SDK1: variants seen among roughly 807,000 people sequenced by gnomAD.
SDK1 encodes the protein protein sidekick-1.
SDK1 carries 157 observed loss-of-function variants against 245.5 expected under a neutral mutation model. The ratio of observed to expected loss-of-function variants is 0.64; its 90% CI spans 0.56 to 0.73. SDK1 has a LOEUF of 0.73. Among genes scored for constraint, SDK1 ranks in the 30% least tolerant of loss-of-function variants. The pLI is 0.00. For synonymous variants in SDK1, 1,647 were observed against 1,278.5 expected (o/e 1.29, Z -6.15); for missense variants, 3,583 against 3,002.3 (o/e 1.19, Z -4.52).
At chr7:3,546,617 T>A (rs1283338571) in intron 1 of SDK1, among the ~76,000 whole-genome samples, 1 of 151,900 alleles carries the variant, frequency 6.6e-6, no homozygotes, top group African/African-American at 2.4e-5. Context: ...TGTGACTGTT[T>A]AAAATTAAGA....
At chr7:4,116,239 A>AC (rs992879864) in intron 25 of SDK1, among the ~76,000 whole-genome samples, 3 of 152,082 alleles carry the variant, frequency 2.0e-5, no homozygotes, top group African/African-American at 7.2e-5. Context: ...GGGCGGTGCC[A>AC]CCCCCTCACC....
intron 5 of SDK1, among the ~76,000 whole-genome samples, chr7:3,883,867 C>T (rs1051532719): frequency 3.3e-5 from 5 of 152,162 alleles, no homozygotes; most frequent in Non-Finnish European, 5.9e-5. Flanking sequence ...TTTTCTCCTT[C>T]ACTCAAACGT....
intron 21 of SDK1, 44 bp downstream of exon 21, chr7:4,077,233 T>C: frequency 1.9e-6 from 3 of 1,576,486 alleles, no homozygotes; most frequent in Non-Finnish European, 1.7e-6. Context: ...ACCTTTCTCT[T>C]GGAGATTCCC....
intron 28 of SDK1, among the ~76,000 whole-genome samples, chr7:4,145,012 G>C (rs56928328): frequency 6.6e-6 from 1 of 152,168 alleles, no homozygotes; most frequent in Non-Finnish European, 1.5e-5. Context: ...GGCCTGGGGC[G>C]GCCAGTGGAG....
At chr7:3,621,851 G>A (rs1781952329) in intron 2 of SDK1, among the ~76,000 whole-genome samples, 1 of 152,168 alleles carries the variant, frequency 6.6e-6, no homozygotes, top group South Asian at 2.1e-4. Flanking sequence ...GCAAATCGTT[G>A]AATATACAGA....
intron 5 of SDK1, among the ~76,000 whole-genome samples, chr7:3,910,855 G>A (rs1021198588): frequency 2.6e-5 from 4 of 152,178 alleles, no homozygotes; most frequent in Admixed American, 1.3e-4. Context: ...CAGTTAGTCC[G>A]GATAATCGGC....
rs1277144456 is a variant in SDK1, at chr7:4,237,681, G to T, written c.6027G>T (p.Trp2009Cys). 1 of 1,614,134 alleles carries T rather than the reference G, an allele frequency of 6.2e-7. No individual in the cohort carries two copies. The highest frequency in any genetic ancestry group is 8.5e-7 in the Non-Finnish European group (1 of 1,180,012). ...AAGCCCCATTCTACGAGGAGTGGTGGTTCCTCCTGGTGATGGCTCTGTCCA... is the reference window on the plus strand; with the variant it reads ...AAGCCCCATTCTACGAGGAGTGGTGTTTCCTCCTGGTGATGGCTCTGTCCA... ...QVEAPFYEEW[W>C]FLLVMALSSL... The change falls in exon 42 of 45, where the codon TGG becomes TGT. Residue 2009 changes from tryptophan to cysteine, a missense_variant. Transcript: ENST00000404826.
At chr7:4,045,234 A>T (rs1455762816) in intron 17 of SDK1, among the ~76,000 whole-genome samples, 1 of 151,786 alleles carries the variant, frequency 6.6e-6, no homozygotes, top group East Asian at 1.9e-4. Flanking sequence ...TGAATATCAC[A>T]TATAGATTTT....
chr7:4,060,959 T>A (rs144211353), intron 19 of SDK1, among the ~76,000 whole-genome samples: 1 of 151,626 alleles, frequency 6.6e-6, no homozygotes, highest in Non-Finnish European at 1.5e-5. Flanking sequence ...TGTAGATATG[T>A]GGTGTTATTT....
At chr7:3,773,964 C>T (rs895393742) in intron 4 of SDK1, among the ~76,000 whole-genome samples, 1 of 152,028 alleles carries the variant, frequency 6.6e-6, no homozygotes, top group African/African-American at 2.4e-5. Context: ...CCTGTAATCC[C>T]AGCACTTTGG....
chr7:4,093,254 A>G (rs1039352178), intron 22 of SDK1, among the ~76,000 whole-genome samples: 1 of 152,032 alleles, frequency 6.6e-6, no homozygotes, highest in African/African-American at 2.4e-5. Context: ...TGCAAATGTT[A>G]TATGTTTTCA....
chr7:3,966,516 C>T (rs59704361), intron 9 of SDK1, among the ~76,000 whole-genome samples: 2 of 151,998 alleles, frequency 1.3e-5, no homozygotes, highest in African/African-American at 2.4e-5. Flanking sequence ...CGTGACCATC[C>T]CCCATGAACA....
chr7:4,131,227 C>T (rs905576772), intron 27 of SDK1, among the ~76,000 whole-genome samples: 6 of 152,218 alleles, frequency 3.9e-5, no homozygotes, highest in Non-Finnish European at 5.9e-5. Context: ...CTGAAGCAGG[C>T]GCTGGTGAGT....
intron 14 of SDK1, among the ~76,000 whole-genome samples, chr7:4,000,525 C>T (rs1453309251): frequency 6.6e-6 from 1 of 152,096 alleles, no homozygotes; most frequent in East Asian, 1.9e-4. Context: ...TTGGTTCTTC[C>T]CCTGCCACAG....
intron 1 of SDK1, among the ~76,000 whole-genome samples, chr7:3,385,277 C>G (rs1211901121): frequency 1.3e-5 from 2 of 151,936 alleles, no homozygotes; most frequent in Non-Finnish European, 2.9e-5. Context: ...TATTTTTAAC[C>G]AATTGGAAGG....
intron 4 of SDK1, among the ~76,000 whole-genome samples, chr7:3,659,550 CA>C (rs1276838789): frequency 3.3e-5 from 5 of 152,156 alleles, no homozygotes; most frequent in Non-Finnish European, 2.9e-5. Context: ...CTGTGTGGTA[CA>C]TTCTCCGAGG....
intron 22 of SDK1, among the ~76,000 whole-genome samples, chr7:4,098,819 A>G (rs986201853): frequency 3.8e-4 from 52 of 137,982 alleles, no homozygotes; most frequent in African/African-American, 1.4e-3. Flanking sequence ...GCACACCACA[A>G]TGCCCTTTTT....
At chr7:4,126,786 A>T (rs937236375) in intron 25 of SDK1, among the ~76,000 whole-genome samples, 3 of 152,240 alleles carry the variant, frequency 2.0e-5, no homozygotes, top group Admixed American at 1.3e-4. Flanking sequence ...AAAAACATTC[A>T]TTGAAATGGA....
At chr7:3,918,623 A>G (rs545521107) in intron 5 of SDK1, among the ~76,000 whole-genome samples, 3 of 152,152 alleles carry the variant, frequency 2.0e-5, no homozygotes, top group Admixed American at 6.5e-5. Flanking sequence ...GGCACAATAA[A>G]TGGAATGCAC....
Sources: allele counts gnomAD v4.1 joint callset (sites outside exome capture counted in the v4.1 genomes callset), GRCh38; gene constraint gnomAD v4.1.1; transcripts MANE v1.5; gene names NCBI Gene and HGNC (gene_info 2026-07-23, HGNC 2026-07-21).